Variants in LPCAT1 observed in about 807,000 individuals in gnomAD.
The protein encoded by LPCAT1 is 1-acylglycerol-3-phosphate O-acyltransferase.
A neutral mutation model predicts 60.9 loss-of-function variants in LPCAT1; 23 were observed. That is an observed-to-expected ratio of 0.38 (90% CI 0.27 to 0.53). LPCAT1 has a LOEUF of 0.53. Ranked by LOEUF, LPCAT1 falls within the 20% of genes least tolerant of loss-of-function variation. The pLI is 0.82. For synonymous variants in LPCAT1, 340 were observed against 301.1 expected, an observed-to-expected ratio of 1.13 and a Z score of -1.34; for missense variants, 622 against 723.6, an observed-to-expected ratio of 0.86 and a Z score of 1.61.
chr5:1,521,623 T>C lies in LPCAT1; in HGVS notation c.135+2087A>G, dbSNP rs1251712882. 1 of 282,600 alleles carries C rather than the reference T, an allele frequency of 3.5e-6. No homozygotes were observed. Among genetic ancestry groups the C allele is most frequent in the East Asian group, 1.7e-4 (1 of 5,718 alleles). The allele number at this position is 282,600 out of a possible 1,614,324, so 17.5% of individuals were successfully genotyped here. ...ATTGCAGACATCCAGCAGAAACGAC[T>C]GGATGTACAAACACACCTAATTCCT... is the stretch of plus-strand genomic sequence containing the variant. On this transcript the variant is annotated intron_variant, in intron 1 of 13. Coordinates refer to ENST00000283415, the MANE Select transcript of LPCAT1 (RefSeq NM_024830.5). The surrounding 1 kb of genome is among the most constrained non-coding windows in gnomAD (Gnocchi z 4.3).
At chr5:1,512,849 G>T (rs1736397111) in intron 1 of LPCAT1, among the ~76,000 whole-genome samples, 1 of 152,254 alleles carries the variant, frequency 6.6e-6, no homozygotes, top group South Asian at 2.1e-4. Flanking sequence ...CTGAGCACCT[G>T]CAATGTGCAC....
intron 1 of LPCAT1, among the ~76,000 whole-genome samples, chr5:1,514,518 C>A (rs1440747885): frequency 6.6e-6 from 1 of 152,208 alleles, no homozygotes; most frequent in Non-Finnish European, 1.5e-5. Context: ...AAAGTCCACA[C>A]GGGGCCCACA....
rs371143087 is a variant in LPCAT1 at position 1,465,405 on chromosome 5, TG to T, written c.1420+1343del. ...GGTAACACACATGCGCATGCACACATGGTAACTACACACATGCACACACACA... is the reference window on the plus strand; with the variant it reads ...GGTAACACACATGCGCATGCACACATGTAACTACACACATGCACACACACA... On this transcript the variant is annotated intron_variant, in intron 13 of 13. Transcript: ENST00000283415. 6.8e-3 allele frequency among the ~76,000 whole-genome samples: 944 copies of T among 138,806 alleles called. 25 individuals carry two copies. Among genetic ancestry groups the T allele is most frequent in the African/African-American group, 0.024 (888 of 36,354 alleles). The allele number at this position is 138,806 out of a possible 152,430, so 91.1% of individuals were successfully genotyped here.
Position 1,473,960 on chromosome 5 carries a change from G to A in LPCAT1, c.1176C>T (p.Asp392=), listed in dbSNP as rs776992842. The part of the protein sequence containing the change: ...DLLEDMFSLF[D]ESGSGEVDLR... ...CTCCGCAGGCGACAGGCCCTACCTCGTCGAACAGTGAAAACATGTCTTCCA... is the reference window on the plus strand; with the variant it reads ...CTCCGCAGGCGACAGGCCCTACCTCATCGAACAGTGAAAACATGTCTTCCA... Residue 392 remains aspartate (D), a synonymous_variant, in exon 11 of 14, where the codon GAC becomes GAT. Coordinates refer to ENST00000283415, the MANE Select transcript of LPCAT1 (RefSeq NM_024830.5). 4.5e-5 allele frequency: 73 copies of A among 1,614,000 alleles called. 1 individual carries two copies. The highest frequency in any genetic ancestry group is 3.0e-4 in the South Asian group (27 of 91,068).
At chr5:1,490,676 CGGGGTTGG>C (rs1156600769) in intron 3 of LPCAT1, among the ~76,000 whole-genome samples, 1 of 152,174 alleles carries the variant, frequency 6.6e-6, no homozygotes, top group Non-Finnish European at 1.5e-5. Flanking sequence ...CTGGAAGTTG[CGGGGTTGG>C]GGTACAAGGG....
intron 1 of LPCAT1, among the ~76,000 whole-genome samples, chr5:1,517,913 G>A (rs2126624749): frequency 6.6e-6 from 1 of 152,372 alleles, no homozygotes; most frequent in South Asian, 2.1e-4. Flanking sequence ...GGAGGGCTCA[G>A]GAGAGCCGCA....
At chr5:1,505,454 T>A (rs1444771047) in intron 1 of LPCAT1, among the ~76,000 whole-genome samples, 7 of 152,262 alleles carry the variant, frequency 4.6e-5, no homozygotes. Flanking sequence ...CCATTCCATA[T>A]GGGACCACCC....
intron 8 of LPCAT1, among the ~76,000 whole-genome samples, chr5:1,478,990 G>A (rs542467794): frequency 5.6e-4 from 85 of 152,282 alleles, no homozygotes; most frequent in African/African-American, 1.7e-3. Context: ...CAAACTCAGC[G>A]GTATTAAATA....
Position 1,481,603 on chromosome 5 carries a change from G to T in LPCAT1, c.727-627C>A, listed in dbSNP as rs973321966. 5.3e-5 allele frequency among the ~76,000 whole-genome samples: 8 copies of T among 152,240 alleles called. No individual in the cohort carries two copies. The highest frequency in any genetic ancestry group is 1.7e-4 in the African/African-American group (7 of 41,462). ...CCTGACGGCTAAGCTAGTGCTTCTT[G>T]GTGCATCCAGTAATAGTGTGTTGCT... On this transcript the variant is annotated intron_variant, in intron 6 of 13. Coordinates refer to ENST00000283415, the MANE Select transcript of LPCAT1 (RefSeq NM_024830.5). This position sits in a 1 kb window ranked among gnomAD's most constrained non-coding sequence, Gnocchi z 7.8.
rs546031318 is a variant in LPCAT1, at chr5:1,517,216, C to A, written c.135+6494G>T. ...GGAGGCCCACAGGACTTGGAGGGGA[C>A]GGTCGCGGCTCCTGGCCATCCTGAG... On this transcript the variant is annotated intron_variant, in intron 1 of 13. Transcript: ENST00000283415. Among the ~76,000 whole-genome samples the A allele has an allele frequency of 8.1e-4, 123 of 152,236 alleles. 3 individuals are homozygous for A. In the South Asian group the frequency reaches 0.024, roughly 30 times the overall value.
chr5:1,488,492 CAT>C (rs1735452882), intron 4 of LPCAT1, 41 bp from the exon 5 acceptor site: 1 of 1,342,970 alleles, frequency 7.4e-7, no homozygotes, highest in African/African-American at 1.5e-5. Context: ...TTAAACTGTA[CAT>C]AATTATAATT....
At position 1,501,665 on chromosome 5, in the gene LPCAT1, C is replaced by T. The variant is rs139582215; in HGVS notation, c.136-62G>A. The T allele has an allele frequency of 0.015, 24,060 of 1,559,924 alleles. 258 individuals carry two copies. The highest frequency in any genetic ancestry group is 0.018 in the Non-Finnish European group (20,553 of 1,133,482). On this transcript the variant is annotated intron_variant, in intron 1 of 13. Transcript: ENST00000283415. ...GTAGGACACCAGGCAGCTCCCCACCCGGCAGAGGCTAGCCCAGGGGGACAG... is the reference window on the plus strand; with the variant it reads ...GTAGGACACCAGGCAGCTCCCCACCTGGCAGAGGCTAGCCCAGGGGGACAG...
intron 1 of LPCAT1, among the ~76,000 whole-genome samples, chr5:1,513,046 A>G (rs1736403814): frequency 6.6e-6 from 1 of 152,184 alleles, no homozygotes; most frequent in Non-Finnish European, 1.5e-5. Context: ...TAGAGAGTGC[A>G]GAGCCCCACG....
Position 1,481,928 on chromosome 5 carries a change from G to A in LPCAT1, c.727-952C>T, listed in dbSNP as rs1053687916. Among the ~76,000 whole-genome samples, 1 of 152,242 alleles carries A rather than the reference G, an allele frequency of 6.6e-6. No individual in the cohort carries two copies. Among genetic ancestry groups the A allele is most frequent in the Non-Finnish European group, 1.5e-5 (1 of 68,042 alleles). On this transcript the variant is annotated intron_variant, in intron 6 of 13. Transcript: ENST00000283415. This position sits in a 1 kb window ranked among gnomAD's most constrained non-coding sequence, Gnocchi z 7.8. Reference sequence around the variant, plus strand: ...CATCGGACGGGACAGGCCCTGAGGCGGATGGCCCAGAACCCTGGCACCCAG... The same window carrying A: ...CATCGGACGGGACAGGCCCTGAGGCAGATGGCCCAGAACCCTGGCACCCAG...
At chr5:1,512,131 G>C (rs1736373624) in intron 1 of LPCAT1, among the ~76,000 whole-genome samples, 1 of 152,200 alleles carries the variant, frequency 6.6e-6, no homozygotes, top group Non-Finnish European at 1.5e-5. Flanking sequence ...CCAGTAAAGT[G>C]AGCCCCACGG....
At chr5:1,470,268 G>A (rs1172961658) in intron 12 of LPCAT1, among the ~76,000 whole-genome samples, 1 of 152,240 alleles carries the variant, frequency 6.6e-6, no homozygotes, top group Non-Finnish European at 1.5e-5. Flanking sequence ...AGGGTTACCT[G>A]GCCTCCCGCC....
chr5:1,469,739 C>T (rs961344940), intron 12 of LPCAT1, among the ~76,000 whole-genome samples: 1 of 152,056 alleles, frequency 6.6e-6, no homozygotes, highest in African/African-American at 2.4e-5. Flanking sequence ...CAAGATTGCA[C>T]CACTGCACTC....
intron 12 of LPCAT1, among the ~76,000 whole-genome samples, chr5:1,468,885 A>C (rs1734551353): frequency 6.6e-6 from 1 of 152,134 alleles, no homozygotes; most frequent in African/African-American, 2.4e-5. Context: ...GCTCTCTCAC[A>C]CGAGACTGCT....
rs776785124 is a variant in LPCAT1, at chr5:1,480,931, G to A, written c.761+11C>T. On this transcript the variant is annotated intron_variant, in intron 7 of 13. Coordinates refer to ENST00000283415, the MANE Select transcript of LPCAT1 (RefSeq NM_024830.5). This position sits in a 1 kb window ranked among gnomAD's most constrained non-coding sequence, Gnocchi z 6.4. ...AACAGGACAAAGAGGACGACACGGC[G>A]TTCAACTTACGCTCCAGGTCCTTGC... The A allele has an allele frequency of 2.0e-5, 32 of 1,613,722 alleles. No homozygotes were observed. The highest frequency in any genetic ancestry group is 2.4e-5 in the Non-Finnish European group (28 of 1,179,992).
Sources: allele counts gnomAD v4.1 joint callset (sites outside exome capture counted in the v4.1 genomes callset), GRCh38; gene constraint gnomAD v4.1.1; non-coding constraint Gnocchi (gnomAD v3.1); transcripts MANE v1.5; gene names NCBI Gene and HGNC (gene_info 2026-07-23, HGNC 2026-07-21).